The following EIF4H variants were observed in gnomAD, a reference collection of about 807,000 sequenced individuals.
EIF4H encodes the protein Williams-Beuren syndrome chromosome region 1.
In EIF4H, 8 loss-of-function variants were observed where a neutral mutation model predicts 30.6. The ratio of observed to expected loss-of-function variants is 0.26; its 90% confidence interval spans 0.15 to 0.47. The LOEUF is 0.47. Ranked by LOEUF, EIF4H falls within the 20% of genes least tolerant of loss-of-function variation. The probability of loss-of-function intolerance (pLI) is 0.99; values close to 1 mark genes in which losing one functional copy is unlikely to be tolerated. For synonymous variants in EIF4H, 106 were observed against 122.7 expected (o/e 0.86, Z 0.90); for missense variants, 188 against 339.5 (o/e 0.55, Z 3.51).
At chr7:74,186,366 A>G (rs1167760483) in intron 1 of EIF4H, among the ~76,000 whole-genome samples, 1 of 151,846 alleles carries the variant, frequency 6.6e-6, no homozygotes, top group Non-Finnish European at 1.5e-5. Flanking sequence ...GGCATGCACC[A>G]CCACACCAAG....
At chr7:74,192,460 G>A (rs539243965) in intron 5 of EIF4H, among the ~76,000 whole-genome samples, 1 of 151,954 alleles carries the variant, frequency 6.6e-6, no homozygotes, top group Non-Finnish European at 1.5e-5. Context: ...CTCTGAACTG[G>A]GTGTGAGATC....
chr7:74,182,191 A>G (rs1350633958), intron 1 of EIF4H, among the ~76,000 whole-genome samples: 1 of 152,244 alleles, frequency 6.6e-6, no homozygotes, highest in Non-Finnish European at 1.5e-5. Context: ...TAGAAAATTT[A>G]GAACACGAAC....
chr7:74,175,725 GT>G lies in EIF4H; in HGVS notation c.59+1296del, dbSNP rs530282320. Reference sequence around the variant, plus strand: ...GTCATTTCGAAATTTAATAACTAGGGTTTTTTTTTTTTTCCTAGTTCCAAAA... The same window carrying G: ...GTCATTTCGAAATTTAATAACTAGGGTTTTTTTTTTTTCCTAGTTCCAAAA... On this transcript the variant is annotated intron_variant, in intron 1 of 6. Transcript: ENST00000265753. Among the ~76,000 whole-genome samples the G allele has an allele frequency of 3.5e-3, 506 of 143,738 alleles. 2 individuals carry two copies. The highest frequency in any genetic ancestry group is 8.9e-3 in the African/African-American group (354 of 39,820). 94.3% of individuals were successfully genotyped at this position (143,738 alleles called of 152,430 possible). A position where few individuals can be genotyped will look rare whatever the true frequency, so the allele number is the denominator to read the frequency against.
chr7:74,179,553 A>C (rs1554708127), intron 1 of EIF4H, among the ~76,000 whole-genome samples: 1 of 149,178 alleles, frequency 6.7e-6, no homozygotes, highest in East Asian at 2.0e-4. Context: ...AATCACTTGA[A>C]CCTGGGAGGT....
intron 1 of EIF4H, among the ~76,000 whole-genome samples, chr7:74,184,646 GT>G (rs1563950543): frequency 6.6e-6 from 1 of 151,630 alleles, no homozygotes; most frequent in African/African-American, 2.4e-5. Flanking sequence ...ACTGTATCTT[GT>G]TTTTTGTTTG....
intron 2 of EIF4H, among the ~76,000 whole-genome samples, chr7:74,188,565 C>CAAAA: frequency 6.6e-6 from 1 of 152,310 alleles, no homozygotes; most frequent in South Asian, 2.1e-4. Flanking sequence ...CACTCTTACT[C>CAAAA]TTTTTGACTT....
chr7:74,188,988 T>TAA (rs1219598718), intron 2 of EIF4H, among the ~76,000 whole-genome samples: 7 of 151,974 alleles, frequency 4.6e-5, no homozygotes, highest in Admixed American at 2.0e-4. Context: ...TGAAGTGTGA[T>TAA]TATTAAGTTA....
At position 74,189,533 on chromosome 7, in the gene EIF4H, T is replaced by C. The variant is rs984655441; in HGVS notation, c.248-140T>C. The C allele has an allele frequency of 3.2e-5, 27 of 848,692 alleles. No homozygotes were observed. In the African/African-American group the frequency reaches 4.3e-4, roughly 14 times the overall value. 52.6% of individuals were successfully genotyped at this position (848,692 alleles called of 1,614,324 possible). ...GAGGAATGCCAGTCAGGGTTCTATC[T>C]ATTGAAAGGCTCTCCTAGTCTGCCA... On this transcript the variant is annotated intron_variant, in intron 2 of 6. Transcript: ENST00000265753.
At chr7:74,185,239 C>T (rs142608518) in intron 1 of EIF4H, among the ~76,000 whole-genome samples, 16 of 152,276 alleles carry the variant, frequency 1.1e-4, no homozygotes, top group African/African-American at 2.6e-4. Context: ...GTGATCCTCC[C>T]GCCTCAGCCT....
intron 1 of EIF4H, among the ~76,000 whole-genome samples, chr7:74,185,015 C>T (rs782048837): frequency 1.6e-4 from 24 of 151,660 alleles, no homozygotes; most frequent in African/African-American, 4.4e-4. Context: ...CAGTTGGAGA[C>T]AGTCTCCTTC....
At chr7:74,183,681 TCA>T (rs1801015099) in intron 1 of EIF4H, 1 of 152,226 alleles carries the variant, frequency 6.6e-6, no homozygotes, top group Admixed American at 6.5e-5. Flanking sequence ...ACATTTTAGC[TCA>T]GAGTTTTCTG....
intron 5 of EIF4H, among the ~76,000 whole-genome samples, chr7:74,194,513 C>G (rs73358560): frequency 1.2e-3 from 177 of 152,314 alleles, no homozygotes; most frequent in African/African-American, 4.2e-3. Context: ...TTTGTTTGCT[C>G]TCCTAAGATC....
At chr7:74,174,613 GGGC>G (rs1436228374) in intron 1 of EIF4H, among the ~76,000 whole-genome samples, 171 bp downstream of exon 1, 2 of 151,990 alleles carry the variant, frequency 1.3e-5, no homozygotes, top group Non-Finnish European at 2.9e-5. Context: ...CTCGGAGACG[GGGC>G]GGCGGCGGCT....
chr7:74,191,595 T>C (rs1320127710), intron 5 of EIF4H, among the ~76,000 whole-genome samples: 1 of 152,116 alleles, frequency 6.6e-6, no homozygotes, highest in Non-Finnish European at 1.5e-5. Context: ...TACTTTTTAA[T>C]AGGATGGTGC....
At position 74,190,166 on chromosome 7, in the gene EIF4H, T is replaced by C. The variant is rs142964239; in HGVS notation, c.410-81T>C. 7,938 of 1,438,460 alleles carry C rather than the reference T, an allele frequency of 5.5e-3. 33 individuals are homozygous for C. The highest frequency in any genetic ancestry group is 6.7e-3 in the Non-Finnish European group (6,876 of 1,026,764). 89.1% of individuals were successfully genotyped at this position (1,438,460 alleles called of 1,614,324 possible). A position where few individuals can be genotyped will look rare whatever the true frequency, so the allele number is the denominator to read the frequency against. On this transcript the variant is annotated intron_variant, in intron 4 of 6. Transcript: ENST00000265753. ...TGAACCTTCCATCACTTGAGTTGTA[T>C]GTCTTCCAAATGAATTTTTCCATGT...
chr7:74,191,221 T>A (rs192756765), intron 5 of EIF4H: 3 of 534,410 alleles, frequency 5.6e-6, no homozygotes, highest in Non-Finnish European at 1.2e-5. Flanking sequence ...ATGAGCTTAT[T>A]CATAAAAGTG....
intron 6 of EIF4H, 119 bp from the exon 7 acceptor site, chr7:74,195,050 A>G: frequency 6.5e-7 from 1 of 1,531,610 alleles, no homozygotes; most frequent in Non-Finnish European, 8.8e-7. Flanking sequence ...CTGTTGGGGT[A>G]GCAGGCCAGG....
At chr7:74,186,137 T>C (rs1458255494) in intron 1 of EIF4H, among the ~76,000 whole-genome samples, 9 of 152,198 alleles carry the variant, frequency 5.9e-5, no homozygotes, top group Admixed American at 5.9e-4. Context: ...ATCTTGGCAC[T>C]TCACTTCTAA....
chr7:74,177,322 C>G (rs1800863300), intron 1 of EIF4H, among the ~76,000 whole-genome samples: 1 of 152,124 alleles, frequency 6.6e-6, no homozygotes, highest in African/African-American at 2.4e-5. Context: ...ATATTTTTAT[C>G]CAAAATTTTT....
Sources: allele counts gnomAD v4.1 joint callset (sites outside exome capture counted in the v4.1 genomes callset), GRCh38; gene constraint gnomAD v4.1.1; transcripts MANE v1.5; gene names NCBI Gene and HGNC (gene_info 2026-07-23, HGNC 2026-07-21).